Variants in SCEL observed in about 807,000 individuals in gnomAD.
SCEL encodes sciellin.
In SCEL, 113 loss-of-function variants were observed where a neutral mutation model predicts 117.6. That is an observed-to-expected ratio of 0.96 (90% CI 0.83 to 1.12). The LOEUF is 1.12. Among genes scored for constraint, SCEL ranks in the 50% most tolerant of loss-of-function variants. SCEL has a pLI of 0.00. For synonymous variants in SCEL, 270 were observed against 256.2 expected (o/e 1.05, Z -0.51); for missense variants, 785 against 810.8 (o/e 0.97, Z 0.39).
At chr13:77,589,099 A>G (rs2154399884) in intron 9 of SCEL, 45 bp from the exon 10 acceptor site, 1 of 1,412,546 alleles carries the variant, frequency 7.1e-7, no homozygotes, top group East Asian at 2.3e-5. Flanking sequence ...GCTAAAATTT[A>G]CCATGTTTCC....
intron 9 of SCEL, among the ~76,000 whole-genome samples, chr13:77,585,525 C>T (rs1038092780): frequency 1.5e-4 from 23 of 152,214 alleles, no homozygotes; most frequent in East Asian, 5.8e-4. Flanking sequence ...CAAGCATGTG[C>T]GCGCTCTTCT....
chr13:77,590,069 A>AT (rs574098494), intron 10 of SCEL, among the ~76,000 whole-genome samples: 4 of 151,984 alleles, frequency 2.6e-5, no homozygotes, highest in Non-Finnish European at 5.9e-5. Flanking sequence ...TTCGATGGTG[A>AT]TTTTTTTGAC....
chr13:77,550,009 T>A (rs1483034134), intron 1 of SCEL, among the ~76,000 whole-genome samples: 1 of 99,094 alleles, frequency 1.0e-5, no homozygotes, highest in Non-Finnish European at 2.3e-5. Context: ...CTGCTGCCAG[T>A]TTTTTTTTTT....
intron 24 of SCEL, among the ~76,000 whole-genome samples, chr13:77,616,958 C>A (rs1350128911): frequency 6.6e-6 from 1 of 152,022 alleles, no homozygotes; most frequent in Non-Finnish European, 1.5e-5. Context: ...ACTACTTTCC[C>A]ACCCTTAAAA....
At chr13:77,635,850 G>A (rs1052613590) in intron 29 of SCEL, among the ~76,000 whole-genome samples, 9 of 152,072 alleles carry the variant, frequency 5.9e-5, no homozygotes, top group Non-Finnish European at 1.2e-4. Context: ...AGCATGACCT[G>A]GGAACTTTCT....
chr13:77,598,222 C>A (rs1442603577), intron 13 of SCEL, among the ~76,000 whole-genome samples: 2 of 152,096 alleles, frequency 1.3e-5, no homozygotes, highest in East Asian at 3.9e-4. Flanking sequence ...TTGAAATATG[C>A]CAAGAGAGAA....
At chr13:77,642,856 G>T in intron 32 of SCEL, 48 bp downstream of exon 32, 1 of 953,390 alleles carries the variant, frequency 1.0e-6, no homozygotes. Context: ...ACCTTAATGA[G>T]CATTTGGTAT....
At chr13:77,539,541 ATTT>A (rs890441365) in intron 1 of SCEL, among the ~76,000 whole-genome samples, 1 of 145,934 alleles carries the variant, frequency 6.9e-6, no homozygotes, top group Admixed American at 6.9e-5. Flanking sequence ...TTAGAAAATA[ATTT>A]TTTTTTTTTT....
intron 12 of SCEL, 80 bp downstream of exon 12, chr13:77,593,653 C>A: frequency 2.1e-6 from 2 of 950,292 alleles, no homozygotes; most frequent in Admixed American, 2.1e-5. Flanking sequence ...TTAAAAGTTC[C>A]AAATATGAAC....
intron 9 of SCEL, among the ~76,000 whole-genome samples, chr13:77,586,791 CT>C (rs2086589715): frequency 6.6e-6 from 1 of 152,174 alleles, no homozygotes; most frequent in African/African-American, 2.4e-5. Context: ...CAGACTTTCC[CT>C]TTCAGATTCC....
intron 28 of SCEL, 100 bp from the exon 29 acceptor site, chr13:77,634,279 C>CAT: frequency 2.1e-6 from 2 of 967,790 alleles, no homozygotes; most frequent in South Asian, 1.4e-5. Flanking sequence ...TCAGAAGGAA[C>CAT]ATATATTCAT....
At chr13:77,612,776 T>C in intron 22 of SCEL, 115 bp from the exon 23 acceptor site, 1 of 561,490 alleles carries the variant, frequency 1.8e-6, no homozygotes, top group Non-Finnish European at 3.1e-6. Flanking sequence ...GCTAAAAGTT[T>C]AAGTATAGAT....
In SCEL at chr13:77,541,228, TTATAAAATAA is replaced by T. The variant is rs2083684012; in HGVS notation, c.-20+5405_-20+5414del. Among the ~76,000 whole-genome samples, 5 of 152,156 alleles carry T rather than the reference TTATAAAATAA, an allele frequency of 3.3e-5. No individual in the cohort carries two copies. The South Asian group carries it at 1.0e-3, about 32-fold the overall frequency. Reference sequence around the variant, plus strand: ...TATATAATAATTGTCAATGGATAATTTATAAAATAAGAAAGAAAATGCCCTGTAAAGTGAA... The same window carrying T: ...TATATAATAATTGTCAATGGATAATTGAAAGAAAATGCCCTGTAAAGTGAA... On this transcript the variant is annotated intron_variant, in intron 1 of 32. Coordinates refer to ENST00000349847, the MANE Select transcript of SCEL (RefSeq NM_144777.3).
Position 77,589,140 on chromosome 13 carries a change from A to T in SCEL, c.546-4A>T, listed in dbSNP as rs770611271. 6.2e-7 allele frequency: 1 copy of T among 1,609,176 alleles called. No individual in the cohort carries two copies. The highest frequency in any genetic ancestry group is 1.7e-5 in the Admixed American group (1 of 59,784). ...GAAATGAACTGCTGTTTTCTGTTTT[A>T]AAGGGAACCAGGTGTTCACCCTCCA... On this transcript the variant is annotated splice_region_variant and splice_polypyrimidine_tract_variant and intron_variant, in intron 9 of 32. Transcript: ENST00000349847.
At chr13:77,604,554 G>T (rs2087980086) in intron 19 of SCEL, 139 bp downstream of exon 19, 2 of 610,422 alleles carry the variant, frequency 3.3e-6, no homozygotes, top group Non-Finnish European at 5.6e-6. Context: ...ACACTTCATA[G>T]TAAGTAATTC....
intron 2 of SCEL, 92 bp from the exon 3 acceptor site, chr13:77,556,504 A>T: frequency 9.9e-7 from 1 of 1,014,054 alleles, no homozygotes. Flanking sequence ...ATGCTGGCCA[A>T]TCAGATGTGC....
intron 1 of SCEL, among the ~76,000 whole-genome samples, chr13:77,552,716 ATTTTGGC>A (rs2084408629): frequency 6.6e-6 from 1 of 152,094 alleles, no homozygotes. Context: ...CCATTTGTCA[ATTTTGGC>A]TTTTGTTGCC....
chr13:77,610,015 C>T (rs2088519828), intron 21 of SCEL, 32 bp from the exon 22 acceptor site: 4 of 1,484,518 alleles, frequency 2.7e-6, no homozygotes, highest in Non-Finnish European at 3.7e-6. Flanking sequence ...CGATTTAAAT[C>T]TACCACTGAT....
intron 1 of SCEL, among the ~76,000 whole-genome samples, chr13:77,553,795 A>G (rs892401092): frequency 2.0e-5 from 3 of 151,948 alleles, no homozygotes; most frequent in South Asian, 2.1e-4. Flanking sequence ...CACTTTACAT[A>G]TGTTATCTAG....
Sources: gnomAD v4.1 joint callset for allele counts (sites outside exome capture counted in the v4.1 genomes callset) on GRCh38, gnomAD v4.1.1 for gene constraint, MANE v1.5 for transcripts, NCBI Gene and HGNC (gene_info 2026-07-23, HGNC 2026-07-21) for gene names.